Variants in FRAS1 observed in about 807,000 individuals in gnomAD.
The protein encoded by FRAS1 is extracellular matrix organizing protein FRAS1.
A neutral mutation model predicts 435.2 loss-of-function variants in FRAS1; 290 were observed. The observed-to-expected ratio is 0.67, with a 90% CI of 0.61 to 0.73. The LOEUF (loss-of-function observed/expected upper bound fraction) is 0.73. FRAS1 is among the 30% of genes least tolerant of loss of function. The pLI is 0.00. For synonymous variants in FRAS1, 1,800 were observed against 1,851.0 expected (o/e 0.97, Z 0.71); for missense variants, 4,860 against 5,001.5 (o/e 0.97, Z 0.85).
At chr4:78,221,167 A>AAAT (rs754334994) in intron 2 of FRAS1, among the ~76,000 whole-genome samples, 3 of 152,262 alleles carry the variant, frequency 2.0e-5, no homozygotes, top group South Asian at 2.1e-4. Context: ...GACTCTCTCA[A>AAAT]AATAATAATA....
At chr4:78,389,993 T>C (rs1247214358) in intron 29 of FRAS1, among the ~76,000 whole-genome samples, 1 of 152,126 alleles carries the variant, frequency 6.6e-6, no homozygotes, top group Non-Finnish European at 1.5e-5. Context: ...TTCATCCCTC[T>C]CTCCTGTATT....
At chr4:78,115,736 C>T (rs1015914615) in intron 2 of FRAS1, among the ~76,000 whole-genome samples, 2 of 151,808 alleles carry the variant, frequency 1.3e-5, no homozygotes, top group African/African-American at 4.8e-5. Flanking sequence ...CTTTATTAGT[C>T]TTGATAGTGG....
At chr4:78,455,954 A>G (rs1719179936) in intron 47 of FRAS1, among the ~76,000 whole-genome samples, 1 of 152,098 alleles carries the variant, frequency 6.6e-6, no homozygotes, top group African/African-American at 2.4e-5. Context: ...TCTCAGAGTA[A>G]TCCAAAGGCA....
chr4:78,511,310 G>A lies in FRAS1; in HGVS notation c.9817G>A (p.Val3273Met). The change falls in exon 64 of 74, where the codon GTG becomes ATG. Residue 3273 changes from valine to methionine, a missense_variant. Val to Met is a conservative substitution (Grantham distance 21). Coordinates refer to ENST00000512123, the MANE Select transcript of FRAS1 (RefSeq NM_025074.7). ...DSIYFSRRFH[V>M]RCVAKAVDKV... Reference sequence around the variant, plus strand: ...CATTTACTTCAGCCGGAGGTTCCATGTGCGTTGTGTGGCCAAGGCTGTGGA... The same window carrying A: ...CATTTACTTCAGCCGGAGGTTCCATATGCGTTGTGTGGCCAAGGCTGTGGA... 6.2e-7 allele frequency: 1 copy of A among 1,608,948 alleles called. No individual in the cohort carries two copies. The highest frequency in any genetic ancestry group is 1.7e-5 in the Admixed American group (1 of 59,926).
rs143405880 is a variant in FRAS1 at position 78,340,341 on chromosome 4, G to C, written c.2422+2524G>C. On this transcript the variant is annotated intron_variant, in intron 20 of 73. Transcript: ENST00000512123. ...GAAATCATTTATTGATTAAAGACTG[G>C]TGTAATAGTATTTATTATAAAAAAG... 6.8e-4 allele frequency among the ~76,000 whole-genome samples: 103 copies of C among 152,244 alleles called. 1 individual carries two copies. The Middle Eastern group carries it at 0.027, about 40-fold the overall frequency.
chr4:78,335,580 A>ACAG (rs1407992239), intron 19 of FRAS1, among the ~76,000 whole-genome samples: 23 of 152,210 alleles, frequency 1.5e-4, no homozygotes, highest in African/African-American at 5.5e-4. Flanking sequence ...GCTTATGCAC[A>ACAG]CAGTTAGGGA....
At chr4:78,364,923 C>T (rs1731204450) in intron 22 of FRAS1, among the ~76,000 whole-genome samples, 1 of 152,136 alleles carries the variant, frequency 6.6e-6, no homozygotes, top group South Asian at 2.1e-4. Flanking sequence ...AGTTCAAATC[C>T]TAACTGCTAC....
In FRAS1 at chr4:78,472,194, C is replaced by A. The variant is rs1035303833; in HGVS notation, c.7386C>A (p.Ile2462=). 1 of 1,613,930 alleles carries A rather than the reference C, an allele frequency of 6.2e-7. No homozygotes were observed. The highest frequency in any genetic ancestry group is 8.5e-7 in the Non-Finnish European group (1 of 1,179,828). Residue 2462 remains isoleucine, a synonymous_variant, in exon 52 of 74, where the codon ATC becomes ATA. Coordinates refer to ENST00000512123, the MANE Select transcript of FRAS1 (RefSeq NM_025074.7). The part of the protein sequence containing the change: ...EYMDGKATNL[I]TKKELLTMDP... ...TTCTATTCTAGGCAACCAACCTGAT[C>A]ACCAAGAAGGAACTGCTGACCATGG... is the stretch of plus-strand genomic sequence containing the variant.
At position 78,499,744 on chromosome 4, in the gene FRAS1, G is replaced by A. The variant is rs1720619947; in HGVS notation, c.9139G>A (p.Ala3047Thr). The A allele has an allele frequency of 1.2e-6, 2 of 1,613,740 alleles. No individual in the cohort carries two copies. Among genetic ancestry groups the A allele is most frequent in the South Asian group, 1.1e-5 (1 of 91,070 alleles). Residue 3047 changes from alanine to threonine, a missense_variant, in exon 61 of 74, where the codon GCT becomes ACT. Coordinates refer to ENST00000512123, the MANE Select transcript of FRAS1 (RefSeq NM_025074.7). ...AGCCCCCACCATTGAGTTTGAAGAA[G>A]CTGCATACCAAGTCCGGGAACCCGC... is the stretch of plus-strand genomic sequence containing the variant. Reference protein sequence around the residue: ...EDAPTIEFEEAAYQVREPAGP... With the variant: ...EDAPTIEFEETAYQVREPAGP...
Position 78,519,331 on chromosome 4 carries a change from GT to G in FRAS1, c.10391del (p.Val3464GlyfsTer9). On this transcript the variant is annotated frameshift_variant and splice_region_variant, in exon 67 of 74. Coordinates refer to ENST00000512123, the MANE Select transcript of FRAS1 (RefSeq NM_025074.7). LOFTEE classifies it high-confidence loss of function. ...TGTGTGCATACTGCTTCCTCGGCAG[GT>G]GAGGGACTCTGCCCAGTCCTTCTTG... ...CGGSVTADFQ[V>X]RDSAQSFLTV... 3 of 1,535,594 alleles carry G rather than the reference GT, an allele frequency of 2.0e-6. No homozygotes were observed. The highest frequency in any genetic ancestry group is 2.6e-6 in the Non-Finnish European group (3 of 1,145,962).
chr4:78,380,060 C>T, intron 27 of FRAS1, 64 bp downstream of exon 27: 2 of 1,553,416 alleles, frequency 1.3e-6, no homozygotes, highest in Non-Finnish European at 1.7e-6. Context: ...CACTCCTCCA[C>T]CCTGTCCCAG....
In FRAS1 at chr4:78,181,473, C is replaced by A. The variant is rs897124273; in HGVS notation, c.109-56037C>A. 4.3e-6 allele frequency: 7 copies of A among 1,611,722 alleles called. No individual in the cohort carries two copies. In the African/African-American group the frequency reaches 9.3e-5, roughly 22 times the overall value. Reference sequence around the variant, plus strand: ...TCACTTCCACTATGCCTATCAAATTCACGTTTGCCACGAGAATCAAATCCA... The same window carrying A: ...TCACTTCCACTATGCCTATCAAATTAACGTTTGCCACGAGAATCAAATCCA... On this transcript the variant is annotated intron_variant, in intron 2 of 73. Transcript: ENST00000512123.
rs34405763 is a variant in FRAS1 at position 78,280,580 on chromosome 4, CTT to C, written c.1072-803_1072-802del. On this transcript the variant is annotated intron_variant, in intron 10 of 73. Coordinates refer to ENST00000512123, the MANE Select transcript of FRAS1 (RefSeq NM_025074.7). The stretch of plus-strand genomic sequence containing the variant: ...TGACTGGTAAACTGATTCCTCCATA[CTT>C]TTTTTTTTTTTTTTGATTTGGGTAA... Among the ~76,000 whole-genome samples, 363 of 141,820 alleles carry C rather than the reference CTT, an allele frequency of 2.6e-3. 3 individuals carry two copies. Among genetic ancestry groups the C allele is most frequent in the African/African-American group, 8.2e-3 (319 of 38,758 alleles). 93.0% of individuals were successfully genotyped at this position (141,820 alleles called of 152,430 possible). A position where few individuals can be genotyped will look rare whatever the true frequency, so the allele number is the denominator to read the frequency against.
At chr4:78,138,388 G>A (rs1264799822) in intron 2 of FRAS1, among the ~76,000 whole-genome samples, 2 of 152,186 alleles carry the variant, frequency 1.3e-5, no homozygotes, top group Non-Finnish European at 2.9e-5. Flanking sequence ...ATCTGGTGAG[G>A]ATGTGGTCAG....
intron 2 of FRAS1, among the ~76,000 whole-genome samples, chr4:78,137,921 T>C (rs1719993207): frequency 1.3e-5 from 2 of 152,230 alleles, no homozygotes; most frequent in Non-Finnish European, 1.5e-5. Context: ...AAATGCTTAG[T>C]GCAGTGCCTG....
chr4:78,098,565 G>T (rs575927911), intron 2 of FRAS1, among the ~76,000 whole-genome samples: 10 of 152,154 alleles, frequency 6.6e-5, no homozygotes, highest in Admixed American at 5.9e-4. Flanking sequence ...GTGAACCACC[G>T]CTCCTGGCAG....
At chr4:78,194,642 T>C (rs529375143) in intron 2 of FRAS1, among the ~76,000 whole-genome samples, 8 of 152,366 alleles carry the variant, frequency 5.3e-5, no homozygotes, top group Admixed American at 2.6e-4. Context: ...TAAGGACTTC[T>C]CTGAATTGGT....
At chr4:78,450,502 G>GT in intron 45 of FRAS1, 163 bp downstream of exon 45, 3 of 613,300 alleles carry the variant, frequency 4.9e-6, no homozygotes, top group Non-Finnish European at 8.3e-6. Context: ...TTTTCTTTTT[G>GT]TTTTTAAAAA....
chr4:78,537,550 T>C (rs1721923414), intron 72 of FRAS1, among the ~76,000 whole-genome samples: 1 of 152,172 alleles, frequency 6.6e-6, no homozygotes, highest in Non-Finnish European at 1.5e-5. Context: ...ACTTATTCCC[T>C]CATGAGTTTA....
Sources: gnomAD v4.1 joint callset for allele counts (sites outside exome capture counted in the v4.1 genomes callset) on GRCh38, gnomAD v4.1.1 for gene constraint, MANE v1.5 for transcripts, NCBI Gene and HGNC (gene_info 2026-07-23, HGNC 2026-07-21) for gene names.